CSMD2: variants seen among roughly 807,000 people sequenced by gnomAD.
CSMD2 encodes CUB and Sushi multiple domains 2, also known as CUB and sushi domain-containing protein 2.
CSMD2 carries 130 observed loss-of-function variants against 398.5 expected under a neutral mutation model. The ratio of observed to expected loss-of-function variants is 0.33; its 90% CI spans 0.28 to 0.38. The LOEUF is 0.38. Ranked by LOEUF, CSMD2 falls within the 10% of genes least tolerant of loss-of-function variation. The pLI, the probability that CSMD2 is intolerant of heterozygous loss-of-function variation, is 1.00. For synonymous variants in CSMD2, 1,828 were observed against 1,908.5 expected (o/e 0.96, Z 1.10); for missense variants, 3,829 against 4,764.9 (o/e 0.80, Z 5.78).
chr1:33,820,403 C>A, intron 8 of CSMD2, 66 bp downstream of exon 8: 1 of 1,051,166 alleles, frequency 9.5e-7, no homozygotes, highest in South Asian at 1.3e-5. Context: ...AGGCCAGCCC[C>A]TGTCTTCCTC....
At chr1:33,641,320 T>C (rs965764061) in intron 29 of CSMD2, among the ~76,000 whole-genome samples, 3 of 152,204 alleles carry the variant, frequency 2.0e-5, no homozygotes, top group African/African-American at 4.8e-5. Context: ...CAAGCATTTG[T>C]TGAATGAATG....
intron 3 of CSMD2, among the ~76,000 whole-genome samples, chr1:33,949,375 G>A (rs1206902884): frequency 2.6e-5 from 4 of 152,198 alleles, no homozygotes; most frequent in Non-Finnish European, 5.9e-5. Context: ...GCCAGAACAT[G>A]GGATGCACCC....
At chr1:34,075,431 A>G (rs1427476773) in intron 2 of CSMD2, among the ~76,000 whole-genome samples, 2 of 152,236 alleles carry the variant, frequency 1.3e-5, no homozygotes, top group East Asian at 3.8e-4. Context: ...AATCTGGCAA[A>G]TTTGTGGATT....
chr1:33,718,187 C>A (rs374139319), intron 19 of CSMD2, among the ~76,000 whole-genome samples: 7 of 152,178 alleles, frequency 4.6e-5, no homozygotes, highest in African/African-American at 1.7e-4. Context: ...GTGCTCTCAG[C>A]TACTCCAGGG....
At chr1:34,115,702 C>A (rs1195999382) in intron 1 of CSMD2, among the ~76,000 whole-genome samples, 2 of 151,560 alleles carry the variant, frequency 1.3e-5, no homozygotes, top group Non-Finnish European at 2.9e-5. Flanking sequence ...AATAGTGATG[C>A]CTAAATCATT....
intron 3 of CSMD2, among the ~76,000 whole-genome samples, chr1:34,021,377 C>T (rs954029896): frequency 1.3e-5 from 2 of 152,192 alleles, no homozygotes; most frequent in Non-Finnish European, 2.9e-5. Flanking sequence ...TGTCCAGCTA[C>T]GGTCCCTACC....
intron 5 of CSMD2, among the ~76,000 whole-genome samples, chr1:33,880,867 C>G (rs1392346863): frequency 6.6e-6 from 1 of 152,204 alleles, no homozygotes; most frequent in Non-Finnish European, 1.5e-5. Flanking sequence ...TCTCTGGGCT[C>G]ATACTTGAAA....
chr1:34,020,935 A>G (rs1222781026), intron 3 of CSMD2, among the ~76,000 whole-genome samples: 1 of 152,126 alleles, frequency 6.6e-6, no homozygotes, highest in Non-Finnish European at 1.5e-5. Flanking sequence ...AACAACTCCT[A>G]TCATGTAACG....
At position 33,515,667 on chromosome 1, in the gene CSMD2, A is replaced by C. The variant is rs989064340; in HGVS notation, c.*957T>G. 6 of 152,236 alleles carry C rather than the reference A, an allele frequency of 3.9e-5. No homozygotes were observed. Among genetic ancestry groups the C allele is most frequent in the African/African-American group, 1.4e-4 (6 of 41,466 alleles). The allele number at this position is 152,236 out of a possible 1,614,324, so 9.4% of individuals were successfully genotyped here. The stretch of plus-strand genomic sequence containing the variant: ...CAGGCACAGAGAATAACCCCAGTAC[A>C]TGATAGCCATTGTTTTTTGGGTACT... On this transcript the variant is annotated 3_prime_UTR_variant, in exon 71 of 71. Transcript: ENST00000373381.
intron 25 of CSMD2, among the ~76,000 whole-genome samples, chr1:33,684,842 T>C (rs1466754223): frequency 1.3e-5 from 2 of 152,246 alleles, no homozygotes; most frequent in Non-Finnish European, 2.9e-5. Flanking sequence ...TCGCAGACAC[T>C]TTTCTATTGT....
At chr1:33,898,612 G>A (rs971830434) in intron 5 of CSMD2, among the ~76,000 whole-genome samples, 1 of 152,240 alleles carries the variant, frequency 6.6e-6, no homozygotes, top group East Asian at 1.9e-4. Context: ...GCTAGGAGTC[G>A]CCAGAGACTT....
In CSMD2 at chr1:33,935,669, C is replaced by CTTT. The variant is rs1644456216; in HGVS notation, c.712+88_712+90dup. 6 of 1,345,556 alleles carry CTTT rather than the reference C, an allele frequency of 4.5e-6. No homozygotes were observed. The South Asian group carries it at 7.3e-5, about 16-fold the overall frequency. The allele number at this position is 1,345,556 out of a possible 1,614,324, so 83.4% of individuals were successfully genotyped here. A position where few individuals can be genotyped will look rare whatever the true frequency, so the allele number is the denominator to read the frequency against. On this transcript the variant is annotated intron_variant, in intron 4 of 70. Transcript: ENST00000373381. The stretch of plus-strand genomic sequence containing the variant: ...TACCCCCCTCCCTGCTGGGGTGTAG[C>CTTT]TTTGCCCTTTGAGACTGGATGTCAC...
At chr1:33,562,602 G>A (rs150270364) in intron 53 of CSMD2, among the ~76,000 whole-genome samples, 2 of 152,320 alleles carry the variant, frequency 1.3e-5, no homozygotes, top group Non-Finnish European at 2.9e-5. Context: ...TTAACTTCAC[G>A]TGTCAGCTTG....
At chr1:33,644,470 C>T (rs932429647) in intron 29 of CSMD2, among the ~76,000 whole-genome samples, 14 of 152,046 alleles carry the variant, frequency 9.2e-5, no homozygotes, top group Admixed American at 6.6e-4. Flanking sequence ...TGGGTCAAGT[C>T]GGAGGCAGCT....
chr1:33,827,938 G>A lies in CSMD2; in HGVS notation c.1034-2164C>T, dbSNP rs150769028. Among the ~76,000 whole-genome samples the A allele has an allele frequency of 1.8e-3, 273 of 152,280 alleles. 1 individual carries two copies. Among genetic ancestry groups the A allele is most frequent in the African/African-American group, 6.0e-3 (248 of 41,546 alleles). On this transcript the variant is annotated intron_variant, in intron 6 of 70. Coordinates refer to ENST00000373381, the MANE Select transcript of CSMD2 (RefSeq NM_001281956.2). ...TCAGGCTCTGAAAACTCAGGTATTT[G>A]CTCTGGACTTGAGGTAACAGGCCAA...
At chr1:33,710,771 G>GA (rs869181830) in intron 21 of CSMD2, among the ~76,000 whole-genome samples, 1 of 2,060 alleles carries the variant, frequency 4.9e-4, no homozygotes, top group Non-Finnish European at 6.6e-4. Context: ...TCAGAACATG[G>GA]AAACATAAGC....
chr1:33,690,035 C>T (rs1010723836), intron 25 of CSMD2, among the ~76,000 whole-genome samples: 1 of 152,192 alleles, frequency 6.6e-6, no homozygotes, highest in East Asian at 1.9e-4. Flanking sequence ...TCCCCAGCCA[C>T]ACTCTGGAGG....
At chr1:34,124,328 G>T (rs1662518120) in intron 1 of CSMD2, among the ~76,000 whole-genome samples, 1 of 152,168 alleles carries the variant, frequency 6.6e-6, no homozygotes, top group Admixed American at 6.5e-5. Flanking sequence ...CATAAAATTT[G>T]GGGGACATGC....
At chr1:34,075,035 G>A (rs957395809) in intron 2 of CSMD2, among the ~76,000 whole-genome samples, 1 of 152,234 alleles carries the variant, frequency 6.6e-6, no homozygotes, top group Non-Finnish European at 1.5e-5. Context: ...GTTCCTTGAA[G>A]GCAGAAGCTG....
Sources: gnomAD v4.1 joint callset for allele counts (sites outside exome capture counted in the v4.1 genomes callset) on GRCh38, gnomAD v4.1.1 for gene constraint, MANE v1.5 for transcripts, NCBI Gene and HGNC (gene_info 2026-07-23, HGNC 2026-07-21) for gene names.